Variants in GPATCH8 observed in about 807,000 individuals in gnomAD.
GPATCH8 encodes G patch domain-containing protein 8.
Under a neutral mutation model 118.3 loss-of-function variants are expected in GPATCH8, and 18 were observed. The observed-to-expected ratio is 0.15, with a 90% CI of 0.11 to 0.23. The LOEUF is 0.23. Among genes scored for constraint, GPATCH8 ranks in the 10% least tolerant of loss-of-function variants. GPATCH8 has a pLI of 1.00. For missense variants in GPATCH8, 1,631 were observed against 1,873.8 expected (o/e 0.87, Z 2.39); for synonymous variants, 659 against 684.7 (o/e 0.96, Z 0.59).
chr17:44,470,389 G>A (rs953580602), intron 2 of GPATCH8, among the ~76,000 whole-genome samples: 3 of 151,778 alleles, frequency 2.0e-5, no homozygotes, highest in African/African-American at 7.3e-5. Context: ...GTAGACATGG[G>A]GTTTCACCGT....
intron 1 of GPATCH8, among the ~76,000 whole-genome samples, chr17:44,483,196 T>A (rs1399645922): frequency 0.01 from 696 of 66,740 alleles, 106 homozygotes; most frequent in Non-Finnish European, 0.012. Flanking sequence ...TATATATATA[T>A]ATATATATAT....
rs1420793227 is a variant in GPATCH8, at chr17:44,400,798, G to T, written c.1279C>A (p.His427Asn). 6.2e-7 allele frequency: 1 copy of T among 1,614,070 alleles called. No individual in the cohort carries two copies. The highest frequency in any genetic ancestry group is 2.2e-5 in the East Asian group (1 of 44,886). Reference protein sequence around the residue: ...SEQMDGDNTTHPKNAPESKKG... With the variant: ...SEQMDGDNTTNPKNAPESKKG... ...TTACTCTCTGGGGCATTCTTTGGGT[G>T]TGTAGTATTATCACCATCCATTTGT... The change falls in exon 8 of 8, where the codon CAC becomes AAC. Residue 427 changes from histidine to asparagine, a missense_variant. His to Asn is a moderately conservative substitution (Grantham distance 68). Coordinates refer to ENST00000591680, the MANE Select transcript of GPATCH8 (RefSeq NM_001002909.4).
At chr17:44,497,136 T>A (rs1969715716) in intron 1 of GPATCH8, among the ~76,000 whole-genome samples, 1 of 152,216 alleles carries the variant, frequency 6.6e-6, no homozygotes, top group Non-Finnish European at 1.5e-5. Context: ...AGGGAAGGAA[T>A]TTTAATAGAA....
intron 5 of GPATCH8, among the ~76,000 whole-genome samples, chr17:44,427,119 A>G (rs2050118669): frequency 6.6e-6 from 1 of 151,368 alleles, no homozygotes; most frequent in Admixed American, 6.6e-5. Context: ...TCTATTGGCC[A>G]GACTGGAGTG....
chr17:44,435,149 A>G lies in GPATCH8; in HGVS notation c.264T>C (p.Leu88=), dbSNP rs774546702. 5 of 1,406,098 alleles carry G rather than the reference A, an allele frequency of 3.6e-6. No homozygotes were observed. The highest frequency in any genetic ancestry group is 5.0e-6 in the Non-Finnish European group (5 of 990,104). The allele number at this position is 1,406,098 out of a possible 1,614,324, so 87.1% of individuals were successfully genotyped here. ...VMGMGRMEME[L]DYAEDATERR... is the part of the protein sequence containing the mutation. Reference sequence around the variant, plus strand: ...GTTCGGTAGCATCTTCAGCATAATCAAGCTTGACAAAAATAGATATGATTA... The same window carrying G: ...GTTCGGTAGCATCTTCAGCATAATCGAGCTTGACAAAAATAGATATGATTA... Residue 88 remains leucine, a splice_region_variant and synonymous_variant, in exon 5 of 8, where the codon CTT becomes CTC. Transcript: ENST00000591680.
intron 6 of GPATCH8, among the ~76,000 whole-genome samples, chr17:44,417,969 G>T (rs1159258904): frequency 6.6e-6 from 1 of 152,056 alleles, no homozygotes; most frequent in East Asian, 1.9e-4. Flanking sequence ...AATTAAAAAG[G>T]GAAAAACTAA....
chr17:44,435,278 T>G, intron 4 of GPATCH8, 127 bp from the exon 5 acceptor site: 1 of 676,726 alleles, frequency 1.5e-6, no homozygotes, highest in South Asian at 1.6e-5. Flanking sequence ...GCTTAGCTAC[T>G]GCTTGCTTTA....
intron 7 of GPATCH8, among the ~76,000 whole-genome samples, chr17:44,403,333 A>G (rs2049097358): frequency 6.6e-6 from 1 of 151,968 alleles, no homozygotes; most frequent in Non-Finnish European, 1.5e-5. Context: ...TCGGCCTCCC[A>G]AAGTGCTGGG....
chr17:44,439,750 T>C (rs1230253193), intron 3 of GPATCH8, among the ~76,000 whole-genome samples: 1 of 151,848 alleles, frequency 6.6e-6, no homozygotes, highest in African/African-American at 2.4e-5. Flanking sequence ...GTAGCAAGAG[T>C]GTCTGCTAAT....
chr17:44,436,260 T>C (rs560104028), intron 4 of GPATCH8, among the ~76,000 whole-genome samples: 6 of 152,292 alleles, frequency 3.9e-5, no homozygotes, highest in Non-Finnish European at 7.4e-5. Context: ...TCACTTAACT[T>C]CTTTATGTGC....
At chr17:44,441,958 G>A (rs2050706083) in intron 3 of GPATCH8, among the ~76,000 whole-genome samples, 1 of 151,906 alleles carries the variant, frequency 6.6e-6, no homozygotes, top group Non-Finnish European at 1.5e-5. Context: ...AACCCGGGAG[G>A]CGGAGGTTGC....
chr17:44,468,373 C>CTTTTTTTTTTT (rs869068538), intron 2 of GPATCH8, among the ~76,000 whole-genome samples: 1 of 100,014 alleles, frequency 1.0e-5, no homozygotes, highest in African/African-American at 4.3e-5. Context: ...TTCTTTGTTC[C>CTTTTTTTTTTT]TTTTTTTTTT....
At chr17:44,474,256 C>T (rs1967549138) in intron 2 of GPATCH8, among the ~76,000 whole-genome samples, 1 of 152,098 alleles carries the variant, frequency 6.6e-6, no homozygotes, top group South Asian at 2.1e-4. Context: ...TGTTCTATTG[C>T]TTGATATCAT....
chr17:44,453,350 T>C (rs2051187681), intron 3 of GPATCH8, among the ~76,000 whole-genome samples: 1 of 152,190 alleles, frequency 6.6e-6, no homozygotes, highest in African/African-American at 2.4e-5. Flanking sequence ...ACTCAGTTTC[T>C]TCCACAAAAT....
chr17:44,427,042 T>C (rs953539021), intron 5 of GPATCH8, among the ~76,000 whole-genome samples: 16 of 152,142 alleles, frequency 1.1e-4, no homozygotes, highest in African/African-American at 3.6e-4. Flanking sequence ...CACATATACA[T>C]AAGTTGATAT....
At chr17:44,419,666 T>C (rs2049822084) in intron 6 of GPATCH8, among the ~76,000 whole-genome samples, 2 of 152,014 alleles carry the variant, frequency 1.3e-5, no homozygotes. Context: ...GTAATTTTTT[T>C]TTTTTTTTTA....
intron 3 of GPATCH8, among the ~76,000 whole-genome samples, chr17:44,441,661 T>A (rs1465670062): frequency 1.3e-5 from 2 of 150,740 alleles, no homozygotes; most frequent in Non-Finnish European, 3.0e-5. Flanking sequence ...GAGGCAGAGG[T>A]TGCAGTTAGC....
At chr17:44,423,920 CTTAA>C (rs910532197) in intron 6 of GPATCH8, among the ~76,000 whole-genome samples, 18 of 152,020 alleles carry the variant, frequency 1.2e-4, no homozygotes. Flanking sequence ...AGCAAAATGA[CTTAA>C]TAATAGAAAA....
At position 44,398,481 on chromosome 17, in the gene GPATCH8, G is replaced by A. The variant is rs774422019; in HGVS notation, c.3596C>T (p.Thr1199Ile). ...TGGGGGTGGGTCTAATAAGGGGCCA[G>A]TTGTTTCCTCTGAAGGGAACTGATG... Reference protein sequence around the residue: ...FGHQFPSEETTGPLLDPPPEE... With the variant: ...FGHQFPSEETIGPLLDPPPEE... The change falls in exon 8 of 8, where the codon ACT becomes ATT. Residue 1199 changes from threonine (T) to isoleucine (I), a missense_variant. Physicochemically the swap from Thr to Ile is moderately conservative, Grantham distance 89 (BLOSUM62 -1). Around this residue, in one of 8 missense-constraint regions of GPATCH8, gnomAD observed 922 missense variants for 879.7 expected, o/e 1.05. Coordinates refer to ENST00000591680, the MANE Select transcript of GPATCH8 (RefSeq NM_001002909.4). The A allele has an allele frequency of 3.8e-5, 61 of 1,609,562 alleles. No individual in the cohort carries two copies.
Sources: allele counts gnomAD v4.1 joint callset (sites outside exome capture counted in the v4.1 genomes callset), GRCh38; gene constraint gnomAD v4.1.1; regional missense constraint gnomAD v4.1.1; transcripts MANE v1.5; gene names NCBI Gene and HGNC (gene_info 2026-07-23, HGNC 2026-07-21).